The following RSRC1 variants were observed in gnomAD, a reference collection of about 807,000 sequenced individuals.
RSRC1 encodes serine/Arginine-related protein 53.
RSRC1 carries 39 observed loss-of-function variants against 49.1 expected under a neutral mutation model. The observed-to-expected ratio is 0.79, with a 90% CI of 0.61 to 1.04. The LOEUF is 1.04. Ranked by LOEUF, RSRC1 falls within the 50% of genes least tolerant of loss-of-function variation. The probability of loss-of-function intolerance (pLI) is 0.00; values close to 1 mark genes in which losing one functional copy is unlikely to be tolerated. For synonymous variants in RSRC1, 143 were observed against 130.8 expected (o/e 1.09, Z -0.63); for missense variants, 388 against 402.4 (o/e 0.96, Z 0.31).
intron 6 of RSRC1, among the ~76,000 whole-genome samples, chr3:158,359,712 C>G (rs994618901): frequency 2.0e-5 from 3 of 152,204 alleles, no homozygotes; most frequent in African/African-American, 7.2e-5. Context: ...CAGCTCTTCT[C>G]TCCTTCTCTT....
chr3:158,527,055 TAAG>T (rs1447681438), intron 7 of RSRC1, among the ~76,000 whole-genome samples: 1 of 150,926 alleles, frequency 6.6e-6, no homozygotes, highest in Non-Finnish European at 1.5e-5. Flanking sequence ...ATCTATATCT[TAAG>T]AAGTTAATAG....
intron 3 of RSRC1, among the ~76,000 whole-genome samples, chr3:158,197,481 A>G (rs1409880028): frequency 6.6e-6 from 1 of 151,342 alleles, no homozygotes; most frequent in African/African-American, 2.4e-5. Context: ...TTTTGAAGGG[A>G]TTTTTTGTCT....
intron 7 of RSRC1, among the ~76,000 whole-genome samples, chr3:158,478,640 A>G: frequency 6.6e-6 from 1 of 151,964 alleles, no homozygotes; most frequent in East Asian, 1.9e-4. Flanking sequence ...TATCACTTTT[A>G]TAACCTCCCC....
chr3:158,266,545 G>A (rs914225693), intron 4 of RSRC1, among the ~76,000 whole-genome samples: 1 of 151,996 alleles, frequency 6.6e-6, no homozygotes, highest in Non-Finnish European at 1.5e-5. Flanking sequence ...CGGTTGTTGG[G>A]TGTAGTTTAT....
intron 3 of RSRC1, among the ~76,000 whole-genome samples, chr3:158,133,720 T>C (rs1270358382): frequency 6.6e-6 from 1 of 152,206 alleles, no homozygotes; most frequent in African/African-American, 2.4e-5. Context: ...AATCATCCCA[T>C]TTCCTAATTT....
At chr3:158,316,569 C>T (rs947519540) in intron 5 of RSRC1, among the ~76,000 whole-genome samples, 13 of 150,998 alleles carry the variant, frequency 8.6e-5, no homozygotes, top group African/African-American at 2.4e-4. Flanking sequence ...CTCAGCCTCC[C>T]GAGTAGCTGG....
At chr3:158,185,929 G>A (rs1719899710) in intron 3 of RSRC1, among the ~76,000 whole-genome samples, 1 of 151,870 alleles carries the variant, frequency 6.6e-6, no homozygotes, top group Admixed American at 6.6e-5. Context: ...ATTTTATTAG[G>A]CTGATATTCC....
chr3:158,514,867 T>G (rs1251105636), intron 7 of RSRC1, among the ~76,000 whole-genome samples: 1 of 152,230 alleles, frequency 6.6e-6, no homozygotes, highest in African/African-American at 2.4e-5. Flanking sequence ...TTTACCATTA[T>G]GTAATGGCCT....
rs1459196358 is a variant in RSRC1 at position 158,545,461 on chromosome 3, A to T, written c.*1186A>T. 1.3e-5 allele frequency: 2 copies of T among 152,096 alleles called. No homozygotes were observed. Among genetic ancestry groups the T allele is most frequent in the African/African-American group, 4.8e-5 (2 of 41,434 alleles). The allele number at this position is 152,096 out of a possible 1,614,324, so 9.4% of individuals were successfully genotyped here. A position where few individuals can be genotyped will look rare whatever the true frequency, so the allele number is the denominator to read the frequency against. ...TCCAGTCACTAATTTAGTCTCTGCG[A>T]AGACTGTAGCTCAGAACAAAAGATA... On this transcript the variant is annotated 3_prime_UTR_variant, in exon 10 of 10. Transcript: ENST00000611884.
chr3:158,313,832 T>G (rs779100652), intron 5 of RSRC1, among the ~76,000 whole-genome samples: 11 of 152,224 alleles, frequency 7.2e-5, no homozygotes, highest in Non-Finnish European at 1.5e-4. Flanking sequence ...AGAAAAAGAC[T>G]AAGCCAAAAT....
intron 7 of RSRC1, among the ~76,000 whole-genome samples, chr3:158,516,255 T>A (rs1164048918): frequency 6.6e-6 from 1 of 151,934 alleles, no homozygotes; most frequent in Non-Finnish European, 1.5e-5. Context: ...TTGATGATGG[T>A]GATGTACAGA....
At chr3:158,212,087 A>T (rs1721706964) in intron 4 of RSRC1, among the ~76,000 whole-genome samples, 1 of 151,866 alleles carries the variant, frequency 6.6e-6, no homozygotes, top group East Asian at 1.9e-4. Context: ...TTTGTACCTA[A>T]TCTGAACAGA....
intron 5 of RSRC1, among the ~76,000 whole-genome samples, chr3:158,322,699 C>T (rs570896214): frequency 2.7e-4 from 41 of 152,250 alleles, no homozygotes; most frequent in African/African-American, 9.4e-4. Context: ...CCCCTTCTCA[C>T]TTCCTCTCTC....
intron 7 of RSRC1, among the ~76,000 whole-genome samples, chr3:158,501,431 G>A (rs551025867): frequency 5.9e-5 from 9 of 152,122 alleles, no homozygotes; most frequent in Non-Finnish European, 1.2e-4. Flanking sequence ...CTGTCTTGAT[G>A]ACCTGTCTAA....
At chr3:158,326,047 T>C (rs1195791978) in intron 5 of RSRC1, among the ~76,000 whole-genome samples, 1 of 152,204 alleles carries the variant, frequency 6.6e-6, no homozygotes, top group East Asian at 1.9e-4. Flanking sequence ...TATTGGTGTA[T>C]AAGAATGCTT....
chr3:158,283,980 T>C (rs1726341339), intron 4 of RSRC1, among the ~76,000 whole-genome samples: 1 of 151,836 alleles, frequency 6.6e-6, no homozygotes, highest in African/African-American at 2.4e-5. Flanking sequence ...CATGCTGGTG[T>C]GCTGCACCCA....
chr3:158,516,387 G>T (rs1193936227), intron 7 of RSRC1, among the ~76,000 whole-genome samples: 2 of 152,074 alleles, frequency 1.3e-5, no homozygotes, highest in East Asian at 1.9e-4. Context: ...CTGCTGGGGG[G>T]TGCCTCCCAG....
At chr3:158,342,050 C>G (rs184013765) in intron 5 of RSRC1, among the ~76,000 whole-genome samples, 1 of 152,328 alleles carries the variant, frequency 6.6e-6, no homozygotes, top group Non-Finnish European at 1.5e-5. Flanking sequence ...CCTGTACCCA[C>G]ATTGTATCTG....
intron 6 of RSRC1, among the ~76,000 whole-genome samples, chr3:158,356,454 T>G (rs1731165448): frequency 6.6e-6 from 1 of 152,104 alleles, no homozygotes; most frequent in Admixed American, 6.5e-5. Context: ...ACTTACCATG[T>G]AGGTAAAAAG....
Sources: gnomAD v4.1 joint callset for allele counts (sites outside exome capture counted in the v4.1 genomes callset) on GRCh38, gnomAD v4.1.1 for gene constraint, MANE v1.5 for transcripts, NCBI Gene and HGNC (gene_info 2026-07-23, HGNC 2026-07-21) for gene names.